The following SLC38A1 variants were observed in gnomAD, a reference collection of about 807,000 sequenced individuals.
The protein encoded by SLC38A1 is solute carrier family 38 member 1, also known as sodium-coupled neutral amino acid symporter 1.
A neutral mutation model predicts 60.3 loss-of-function variants in SLC38A1; 18 were observed. That is an observed-to-expected ratio of 0.30 (90% confidence interval 0.21 to 0.44). The LOEUF is 0.44. Among genes scored for constraint, SLC38A1 ranks in the 20% least tolerant of loss-of-function variants. The pLI is 1.00. For missense variants in SLC38A1, 448 were observed against 587.2 expected, an observed-to-expected ratio of 0.76 and a Z score of 2.45; for synonymous variants, 196 against 212.1, an observed-to-expected ratio of 0.92 and a Z score of 0.66.
intron 1 of SLC38A1, among the ~76,000 whole-genome samples, chr12:46,249,963 A>G (rs1221731724): frequency 1.3e-5 from 2 of 152,232 alleles, no homozygotes; most frequent in Non-Finnish European, 2.9e-5. Flanking sequence ...ATGGAAAAAG[A>G]GGGAATCCTC....
intron 2 of SLC38A1, among the ~76,000 whole-genome samples, chr12:46,240,964 T>C (rs1323105370): frequency 1.3e-5 from 2 of 152,112 alleles, no homozygotes. Flanking sequence ...GCCTCACGAA[T>C]TAAAAAGCAG....
At chr12:46,238,125 A>T (rs1192207003) in intron 3 of SLC38A1, among the ~76,000 whole-genome samples, 1 of 151,826 alleles carries the variant, frequency 6.6e-6, no homozygotes, top group Non-Finnish European at 1.5e-5. Context: ...ATACTTGTGC[A>T]TGGCAGTTAT....
At chr12:46,215,647 A>T (rs1388711178) in intron 5 of SLC38A1, among the ~76,000 whole-genome samples, 1 of 152,150 alleles carries the variant, frequency 6.6e-6, no homozygotes, top group Non-Finnish European at 1.5e-5. Context: ...ACCTCAGGTG[A>T]TCTGCCCACC....
In SLC38A1 at chr12:46,184,076, T is replaced by G. The variant is rs1467037758; in HGVS notation, c.*4894A>C. 2 of 152,630 alleles carry G rather than the reference T, an allele frequency of 1.3e-5. No homozygotes were observed. Among genetic ancestry groups the G allele is most frequent in the African/African-American group, 4.8e-5 (2 of 41,448 alleles). 9.5% of individuals were successfully genotyped at this position (152,630 alleles called of 1,614,324 possible). ...TAGATTCTTCCTTTAAAAACGTAAA[T>G]TTGAGCCTGTATACAGATGGGCCCA... is the stretch of plus-strand genomic sequence containing the variant. On this transcript the variant is annotated 3_prime_UTR_variant, in exon 17 of 17. Transcript: ENST00000398637.
rs189719584 is a variant in SLC38A1 at position 46,229,654 on chromosome 12, G to A, written c.123-15C>T. On this transcript the variant is annotated splice_polypyrimidine_tract_variant and intron_variant, in intron 3 of 16. Coordinates refer to ENST00000398637, the MANE Select transcript of SLC38A1 (RefSeq NM_030674.4). ...AAATAAACTTGCTGTAAAGACATGCGTAATATATTTAACCTTATGATAATG... is the reference window on the plus strand; with the variant it reads ...AAATAAACTTGCTGTAAAGACATGCATAATATATTTAACCTTATGATAATG... 6.5e-5 allele frequency: 104 copies of A among 1,600,994 alleles called. No homozygotes were observed. The East Asian group carries it at 8.9e-4, about 14-fold the overall frequency.
intron 2 of SLC38A1, among the ~76,000 whole-genome samples, 196 bp downstream of exon 2, chr12:46,243,004 T>G (rs187092085): frequency 3.3e-5 from 5 of 152,150 alleles, no homozygotes; most frequent in Non-Finnish European, 5.9e-5. Flanking sequence ...TAGCCTACTT[T>G]TTTCATTGAG....
At chr12:46,231,820 A>C (rs1461854622) in intron 3 of SLC38A1, among the ~76,000 whole-genome samples, 5 of 152,164 alleles carry the variant, frequency 3.3e-5, no homozygotes, top group African/African-American at 9.7e-5. Context: ...TTGTATTTTT[A>C]GTAGAGACGT....
chr12:46,232,112 C>T (rs1234954990), intron 3 of SLC38A1, among the ~76,000 whole-genome samples: 1 of 152,196 alleles, frequency 6.6e-6, no homozygotes, highest in Non-Finnish European at 1.5e-5. Flanking sequence ...TTACTACAAA[C>T]TTACTCTGGG....
chr12:46,221,084 C>T (rs1940640224), intron 5 of SLC38A1, among the ~76,000 whole-genome samples: 1 of 152,088 alleles, frequency 6.6e-6, no homozygotes, highest in South Asian at 2.1e-4. Flanking sequence ...CTTATCCTTA[C>T]TGGAAGGGGT....
At chr12:46,240,338 A>G (rs1328541083) in intron 2 of SLC38A1, among the ~76,000 whole-genome samples, 1 of 152,218 alleles carries the variant, frequency 6.6e-6, no homozygotes, top group Non-Finnish European at 1.5e-5. Context: ...CTGTGATTAC[A>G]GGCATGCGCC....
intron 5 of SLC38A1, among the ~76,000 whole-genome samples, chr12:46,211,310 T>C (rs1482983518): frequency 6.6e-6 from 1 of 152,206 alleles, no homozygotes; most frequent in African/African-American, 2.4e-5. Flanking sequence ...GGGTCTACTC[T>C]GCTAGGACCA....
At chr12:46,243,396 A>G (rs1941509639) in intron 1 of SLC38A1, 82 bp from the exon 2 acceptor site, 3 of 152,234 alleles carry the variant, frequency 2.0e-5, no homozygotes, top group African/African-American at 7.2e-5. Context: ...TTGAGTTTTT[A>G]AAACATTTTT....
chr12:46,232,497 T>C (rs1941113979), intron 3 of SLC38A1, among the ~76,000 whole-genome samples: 1 of 152,266 alleles, frequency 6.6e-6, no homozygotes, highest in Admixed American at 6.5e-5. Flanking sequence ...GCTTTTCTTT[T>C]GTCTTTAATG....
At chr12:46,189,925 C>T (rs1288391136) in intron 16 of SLC38A1, among the ~76,000 whole-genome samples, 1 of 151,966 alleles carries the variant, frequency 6.6e-6, no homozygotes, top group African/African-American at 2.4e-5. Flanking sequence ...TTATAAATTA[C>T]CCTGTCTCAG....
At chr12:46,191,618 G>A (rs994250904) in intron 16 of SLC38A1, among the ~76,000 whole-genome samples, 1 of 152,104 alleles carries the variant, frequency 6.6e-6, no homozygotes, top group African/African-American at 2.4e-5. Context: ...TTGAGCAGTG[G>A]TTTGTAGTTC....
rs1942223491 is a variant in SLC38A1 at position 46,262,348 on chromosome 12, A to G, written c.-209+6178T>C. 1.3e-5 allele frequency among the ~76,000 whole-genome samples: 2 copies of G among 152,120 alleles called. 1 individual carries two copies. Among genetic ancestry groups the G allele is most frequent in the Non-Finnish European group, 2.9e-5 (2 of 68,034 alleles). On this transcript the variant is annotated intron_variant, in intron 1 of 16. Coordinates refer to ENST00000398637, the MANE Select transcript of SLC38A1 (RefSeq NM_030674.4). The stretch of plus-strand genomic sequence containing the variant: ...GTTAATGAAGTCAACCTATAACTGG[A>G]TATAGGAGGACAGACTGTATATTAC...
At chr12:46,251,047 A>G (rs1312309537) in intron 1 of SLC38A1, among the ~76,000 whole-genome samples, 1 of 152,244 alleles carries the variant, frequency 6.6e-6, no homozygotes, top group Non-Finnish European at 1.5e-5. Flanking sequence ...GACAATCTTA[A>G]GCAAAAAGAA....
At chr12:46,218,995 C>T (rs1940538634) in intron 5 of SLC38A1, among the ~76,000 whole-genome samples, 1 of 152,096 alleles carries the variant, frequency 6.6e-6, no homozygotes, top group African/African-American at 2.4e-5. Context: ...AATGATGTTA[C>T]CCCGAGGAGC....
chr12:46,259,584 G>A (rs781419816), intron 1 of SLC38A1, among the ~76,000 whole-genome samples: 5 of 152,080 alleles, frequency 3.3e-5, no homozygotes, highest in African/African-American at 9.7e-5. Context: ...AATTAAAGCC[G>A]ATCATCAAAA....
Sources: allele counts gnomAD v4.1 joint callset (sites outside exome capture counted in the v4.1 genomes callset), GRCh38; gene constraint gnomAD v4.1.1; transcripts MANE v1.5; gene names NCBI Gene and HGNC (gene_info 2026-07-23, HGNC 2026-07-21).